Variants in HAPLN1 observed in about 807,000 individuals in gnomAD.
HAPLN1 encodes the protein hyaluronan and proteoglycan link protein 1, also known as Cartilage link protein.
Under a neutral mutation model 36.5 loss-of-function variants are expected in HAPLN1, and 13 were observed. That is an observed-to-expected ratio of 0.36 (90% CI 0.23 to 0.57). HAPLN1 has a LOEUF of 0.57. Ranked by LOEUF, HAPLN1 falls within the 20% of genes least tolerant of loss-of-function variation. HAPLN1 has a pLI of 0.83. For missense variants in HAPLN1, 407 were observed against 439.7 expected, an observed-to-expected ratio of 0.93 and a Z score of 0.66; for synonymous variants, 202 against 169.8, an observed-to-expected ratio of 1.19 and a Z score of -1.48.
At chr5:83,717,962 C>A (rs534133584) in intron 1 of HAPLN1, among the ~76,000 whole-genome samples, 94 of 152,198 alleles carry the variant, frequency 6.2e-4, no homozygotes, top group African/African-American at 2.2e-3. Flanking sequence ...ACCTTTTAAG[C>A]TAGTAGTTAT....
At chr5:83,679,011 A>G (rs1273129811) in intron 1 of HAPLN1, among the ~76,000 whole-genome samples, 1 of 152,188 alleles carries the variant, frequency 6.6e-6, no homozygotes, top group Non-Finnish European at 1.5e-5. Flanking sequence ...AACAGAAATG[A>G]GCAAGTCAGC....
intron 1 of HAPLN1, among the ~76,000 whole-genome samples, chr5:83,677,391 C>A (rs6886442): frequency 0.69 from 104,427 of 152,008 alleles, 36,260 homozygotes; most frequent in Non-Finnish European, 0.75. Flanking sequence ...CAGTCTTGCA[C>A]CTCCTTTAAT....
intron 1 of HAPLN1, among the ~76,000 whole-genome samples, chr5:83,679,383 A>G (rs1230859711): frequency 6.6e-6 from 1 of 152,150 alleles, no homozygotes; most frequent in East Asian, 1.9e-4. Flanking sequence ...TTTACGAAAA[A>G]TTTATATTCC....
At chr5:83,708,185 A>C (rs1476799800) in intron 1 of HAPLN1, among the ~76,000 whole-genome samples, 1 of 152,270 alleles carries the variant, frequency 6.6e-6, no homozygotes, top group Non-Finnish European at 1.5e-5. Context: ...CAGAACTACC[A>C]TTCCACCCAG....
At chr5:83,688,109 C>T (rs1426481468) in intron 1 of HAPLN1, among the ~76,000 whole-genome samples, 1 of 152,174 alleles carries the variant, frequency 6.6e-6, no homozygotes, top group African/African-American at 2.4e-5. Context: ...TTCAGGATTT[C>T]TGGTCAGACC....
At chr5:83,686,142 C>CAAAAAAAAAAAAAAAAAA (rs535353958) in intron 1 of HAPLN1, 1 of 81,642 alleles carries the variant, frequency 1.2e-5, no homozygotes. Context: ...AAAATGTAGC[C>CAAAAAAAAAAAAAAAAAA]AAAAAAAAAA....
At chr5:83,661,389 T>G (rs2112579989) in intron 2 of HAPLN1, among the ~76,000 whole-genome samples, 1 of 151,106 alleles carries the variant, frequency 6.6e-6, no homozygotes, top group South Asian at 2.1e-4. Context: ...TCCTTGTTCC[T>G]CTTACCCCTG....
intron 1 of HAPLN1, among the ~76,000 whole-genome samples, chr5:83,718,063 A>G (rs1751952463): frequency 6.6e-6 from 1 of 152,222 alleles, no homozygotes; most frequent in Non-Finnish European, 1.5e-5. Flanking sequence ...TCTTTCCACC[A>G]GTCCTTGAAC....
In HAPLN1 at chr5:83,681,213, A is replaced by G. The variant is rs529105034; in HGVS notation, c.-26-7664T>C. 3.2e-4 allele frequency among the ~76,000 whole-genome samples: 48 copies of G among 152,286 alleles called. No homozygotes were observed. In the South Asian group the frequency reaches 1.0e-2, roughly 32 times the overall value. ...TAGTAAATGAATTTTGAATCTTGAC[A>G]AGGAATTTGGCACTAAATTAAGAAC... is the stretch of plus-strand genomic sequence containing the variant. On this transcript the variant is annotated intron_variant, in intron 1 of 4. Coordinates refer to ENST00000274341, the MANE Select transcript of HAPLN1 (RefSeq NM_001884.4).
intron 3 of HAPLN1, among the ~76,000 whole-genome samples, chr5:83,646,360 G>C (rs902731913): frequency 6.6e-6 from 1 of 152,172 alleles, no homozygotes; most frequent in Admixed American, 6.5e-5. Flanking sequence ...TAGCACATGT[G>C]CTATTTTATG....
At chr5:83,694,083 C>G (rs1296788987) in intron 1 of HAPLN1, among the ~76,000 whole-genome samples, 2 of 151,660 alleles carry the variant, frequency 1.3e-5, no homozygotes, top group Non-Finnish European at 3.0e-5. Context: ...AAAGGATTTA[C>G]GTGAGGCAAA....
At chr5:83,662,765 C>G (rs1197003096) in intron 2 of HAPLN1, among the ~76,000 whole-genome samples, 5 of 152,166 alleles carry the variant, frequency 3.3e-5, no homozygotes, top group Non-Finnish European at 7.3e-5. Context: ...GAGCTCAACT[C>G]TACTTGTCTC....
intron 1 of HAPLN1, among the ~76,000 whole-genome samples, chr5:83,693,352 CAA>C (rs1751322796): frequency 6.6e-6 from 1 of 151,490 alleles, no homozygotes; most frequent in Non-Finnish European, 1.5e-5. Flanking sequence ...AATAAACCGA[CAA>C]AGGAGACAGA....
intron 1 of HAPLN1, among the ~76,000 whole-genome samples, chr5:83,700,122 A>T (rs185489509): frequency 1.4e-3 from 208 of 147,076 alleles, no homozygotes; most frequent in Non-Finnish European, 2.4e-3. Context: ...TTAACCCAGG[A>T]GGCGGAGGTT....
intron 1 of HAPLN1, among the ~76,000 whole-genome samples, chr5:83,698,561 T>C (rs1394745147): frequency 6.6e-6 from 1 of 152,184 alleles, no homozygotes; most frequent in Non-Finnish European, 1.5e-5. Context: ...ATTATTATTA[T>C]AAGAAATCCA....
intron 1 of HAPLN1, among the ~76,000 whole-genome samples, chr5:83,685,330 C>A (rs956769616): frequency 6.6e-6 from 1 of 152,188 alleles, no homozygotes; most frequent in Non-Finnish European, 1.5e-5. Flanking sequence ...TTGCACTGCA[C>A]ACTGCAGGAT....
intron 1 of HAPLN1, among the ~76,000 whole-genome samples, chr5:83,713,539 T>C (rs1184159853): frequency 6.6e-6 from 1 of 152,190 alleles, no homozygotes; most frequent in Non-Finnish European, 1.5e-5. Flanking sequence ...TTCCAGATGA[T>C]TTTCAACTAC....
chr5:83,667,203 C>G (rs969434596), intron 2 of HAPLN1, among the ~76,000 whole-genome samples: 1 of 152,104 alleles, frequency 6.6e-6, no homozygotes, highest in Non-Finnish European at 1.5e-5. Flanking sequence ...TGTATGTATA[C>G]TCCTACATAT....
intron 3 of HAPLN1, among the ~76,000 whole-genome samples, chr5:83,649,763 A>C (rs1018575277): frequency 6.6e-6 from 1 of 152,132 alleles, no homozygotes; most frequent in Admixed American, 6.5e-5. Context: ...CTCTTTCTTA[A>C]GAATGGTTTC....
Sources: allele counts gnomAD v4.1 joint callset (sites outside exome capture counted in the v4.1 genomes callset), GRCh38; gene constraint gnomAD v4.1.1; transcripts MANE v1.5; gene names NCBI Gene and HGNC (gene_info 2026-07-23, HGNC 2026-07-21).